The following ENPEP variants were observed in gnomAD, a reference collection of about 807,000 sequenced individuals.
ENPEP encodes glutamyl aminopeptidase, also known as AP-A.
A neutral mutation model predicts 114.5 loss-of-function variants in ENPEP; 103 were observed. The observed-to-expected ratio is 0.90, with a 90% CI of 0.77 to 1.06. ENPEP has a LOEUF of 1.06. ENPEP is among the 50% of genes least tolerant of loss of function. The pLI is 0.00. For missense variants in ENPEP, 1,196 were observed against 1,161.3 expected (o/e 1.03, Z -0.43); for synonymous variants, 420 against 422.0 (o/e 1.00, Z 0.06).
chr4:110,504,952 A>G (rs911980223), intron 3 of ENPEP, among the ~76,000 whole-genome samples: 1 of 152,216 alleles, frequency 6.6e-6, no homozygotes, highest in Non-Finnish European at 1.5e-5. Context: ...GCACCAAAGC[A>G]CTGAATATGT....
intron 17 of ENPEP, among the ~76,000 whole-genome samples, chr4:110,551,686 G>A (rs1248966780): frequency 6.6e-6 from 1 of 152,190 alleles, no homozygotes; most frequent in East Asian, 1.9e-4. Context: ...TGATGAGCCA[G>A]TGAGAGGGAG....
intron 11 of ENPEP, chr4:110,533,395 G>A: frequency 6.7e-6 from 1 of 149,262 alleles, no homozygotes; most frequent in Admixed American, 6.8e-5. Context: ...AAAACACAGA[G>A]ATAAGAATGG....
chr4:110,486,500 C>T (rs1724503402), intron 1 of ENPEP, among the ~76,000 whole-genome samples: 2 of 152,140 alleles, frequency 1.3e-5, no homozygotes, highest in Non-Finnish European at 1.5e-5. Flanking sequence ...ACGGTTCCTT[C>T]TACTTGAACA....
chr4:110,553,450 C>T lies in ENPEP; in HGVS notation c.2637C>T (p.Val879=). The T allele has an allele frequency of 6.2e-7, 1 of 1,607,814 alleles. No individual in the cohort carries two copies. Residue 879 remains valine, a synonymous_variant, in exon 18 of 20, where the codon GTC becomes GTT. Transcript: ENST00000265162. ...NWIQLNWDYL[V]NRYTLNNRNL... is the part of the protein sequence containing the mutation. ...TACAACTCAACTGGGACTATCTAGTCAACAGGTGGGATGATCTGATGATGG... is the reference window on the plus strand; with the variant it reads ...TACAACTCAACTGGGACTATCTAGTTAACAGGTGGGATGATCTGATGATGG...
chr4:110,555,639 G>T (rs1412147509), intron 18 of ENPEP, among the ~76,000 whole-genome samples: 1 of 152,000 alleles, frequency 6.6e-6, no homozygotes, highest in Non-Finnish European at 1.5e-5. Flanking sequence ...ATAAGGTGGT[G>T]TGATTTTAGT....
chr4:110,519,685 G>T (rs1725908881), intron 8 of ENPEP, among the ~76,000 whole-genome samples: 1 of 151,464 alleles, frequency 6.6e-6, no homozygotes, highest in Non-Finnish European at 1.5e-5. Flanking sequence ...TATTTCCTTA[G>T]AGCAGAGATC....
chr4:110,506,600 A>G, intron 3 of ENPEP, 37 bp from the exon 4 acceptor site: 1 of 1,568,744 alleles, frequency 6.4e-7, no homozygotes, highest in Non-Finnish European at 8.6e-7. Context: ...TGAATGAAGA[A>G]TAATTTTCAC....
chr4:110,501,669 T>TA (rs1304136632), intron 3 of ENPEP, among the ~76,000 whole-genome samples: 3 of 152,228 alleles, frequency 2.0e-5, no homozygotes, highest in African/African-American at 7.2e-5. Flanking sequence ...CACATTTTAT[T>TA]TATCCAGTCT....
At chr4:110,485,578 A>G (rs1724472898) in intron 1 of ENPEP, among the ~76,000 whole-genome samples, 1 of 152,220 alleles carries the variant, frequency 6.6e-6, no homozygotes, top group Non-Finnish European at 1.5e-5. Flanking sequence ...ATAGAATTTT[A>G]TCAACTAACC....
chr4:110,501,350 A>T (rs1302894404), intron 3 of ENPEP, among the ~76,000 whole-genome samples: 2 of 152,108 alleles, frequency 1.3e-5, no homozygotes, highest in African/African-American at 4.8e-5. Context: ...ATTGCATGTC[A>T]TAGGGGTTTG....
chr4:110,506,683 C>G lies in ENPEP; in HGVS notation c.965C>G (p.Ala322Gly). 4 of 1,612,488 alleles carry G rather than the reference C, an allele frequency of 2.5e-6. No homozygotes were observed. Among genetic ancestry groups the G allele is most frequent in the Admixed American group, 1.7e-5 (1 of 59,944 alleles). Residue 322 changes from alanine to glycine, a missense_variant, in exon 4 of 20, where the codon GCT becomes GGT. Transcript: ENST00000265162. ...GAGCAAAAGCACACAGCCGAATATG[C>G]TGCAAACATAACTAAAAGTGTGTTT... The part of the protein sequence containing the change: ...QPEQKHTAEY[A>G]ANITKSVFDY...
chr4:110,562,266 C>T lies in ENPEP; in HGVS notation c.*708C>T, dbSNP rs1231505155. ...TGAATAAAAATAACTGCAGTGTTCCCCAAATAATTTAACACATTGCAAATA... is the reference window on the plus strand; with the variant it reads ...TGAATAAAAATAACTGCAGTGTTCCTCAAATAATTTAACACATTGCAAATA... On this transcript the variant is annotated 3_prime_UTR_variant, in exon 20 of 20. Coordinates refer to ENST00000265162, the MANE Select transcript of ENPEP (RefSeq NM_001977.4). 1.3e-5 allele frequency: 2 copies of T among 152,044 alleles called. No homozygotes were observed. Among genetic ancestry groups the T allele is most frequent in the East Asian group, 3.8e-4 (2 of 5,198 alleles). 9.4% of individuals were successfully genotyped at this position (152,044 alleles called of 1,614,324 possible). A position where few individuals can be genotyped will look rare whatever the true frequency, so the allele number is the denominator to read the frequency against.
intron 13 of ENPEP, among the ~76,000 whole-genome samples, chr4:110,547,452 G>A (rs746181686): frequency 3.3e-5 from 5 of 152,028 alleles, no homozygotes; most frequent in Non-Finnish European, 7.4e-5. Context: ...AGAAATAGAG[G>A]TTCTTGTACT....
intron 11 of ENPEP, among the ~76,000 whole-genome samples, chr4:110,541,414 C>T (rs1175604825): frequency 6.6e-6 from 1 of 152,106 alleles, no homozygotes; most frequent in African/African-American, 2.4e-5. Context: ...CACATCAAGT[C>T]AGAAAAAGGA....
intron 1 of ENPEP, among the ~76,000 whole-genome samples, chr4:110,481,532 T>C (rs538399418): frequency 6.6e-6 from 1 of 152,258 alleles, no homozygotes; most frequent in East Asian, 1.9e-4. Context: ...ATGGAATAAA[T>C]GAAAATATTA....
At chr4:110,536,785 C>T in intron 11 of ENPEP, among the ~76,000 whole-genome samples, 1 of 152,154 alleles carries the variant, frequency 6.6e-6, no homozygotes, top group South Asian at 2.1e-4. Flanking sequence ...AATCTTTCCT[C>T]ATGATAATTG....
Position 110,510,376 on chromosome 4 carries a change from A to G in ENPEP, c.1308+18A>G, listed in dbSNP as rs752991350. On this transcript the variant is annotated intron_variant, in intron 6 of 19. Transcript: ENST00000265162. Reference sequence around the variant, plus strand: ...GGCAAATGGTGAGTCCTAAACACATAAACTTGAAATCTCTCTTTTCCTCAT... The same window carrying G: ...GGCAAATGGTGAGTCCTAAACACATGAACTTGAAATCTCTCTTTTCCTCAT... 1 of 1,586,542 alleles carries G rather than the reference A, an allele frequency of 6.3e-7. No individual in the cohort carries two copies. Among genetic ancestry groups the G allele is most frequent in the South Asian group, 1.1e-5 (1 of 90,482 alleles).
chr4:110,493,734 C>A (rs1724812544), intron 3 of ENPEP, among the ~76,000 whole-genome samples: 1 of 152,186 alleles, frequency 6.6e-6, no homozygotes, highest in Non-Finnish European at 1.5e-5. Context: ...AAGTTGAAAT[C>A]TAATAGTTGA....
At chr4:110,526,255 G>A (rs1726193286) in intron 10 of ENPEP, among the ~76,000 whole-genome samples, 1 of 152,056 alleles carries the variant, frequency 6.6e-6, no homozygotes, top group African/African-American at 2.4e-5. Context: ...CAGCCTGGGT[G>A]ATAGAGTGAG....
Sources: gnomAD v4.1 joint callset for allele counts (sites outside exome capture counted in the v4.1 genomes callset) on GRCh38, gnomAD v4.1.1 for gene constraint, MANE v1.5 for transcripts, NCBI Gene and HGNC (gene_info 2026-07-23, HGNC 2026-07-21) for gene names.